NSD1: variants seen among roughly 807,000 people sequenced by gnomAD.
NSD1 encodes nuclear receptor binding SET domain protein 1.
A neutral mutation model predicts 242.7 loss-of-function variants in NSD1; 26 were observed. That is an observed-to-expected ratio of 0.11 (90% CI 0.08 to 0.15). The LOEUF (loss-of-function observed/expected upper bound fraction) is 0.15, where lower values mean the gene tolerates loss of function less well. Ranked by LOEUF, NSD1 falls within the 10% of genes least tolerant of loss-of-function variation. NSD1 has a pLI of 1.00. For synonymous variants in NSD1, 1,106 were observed against 1,178.1 expected, an observed-to-expected ratio of 0.94 and a Z score of 1.25; for missense variants, 2,495 against 3,272.8, an observed-to-expected ratio of 0.76 and a Z score of 5.80.
intron 2 of NSD1, among the ~76,000 whole-genome samples, chr5:177,150,888 T>C (rs968926581): frequency 2.6e-5 from 4 of 152,208 alleles, no homozygotes. Context: ...CAGACATTAA[T>C]GCTACACTAA....
intron 2 of NSD1, among the ~76,000 whole-genome samples, chr5:177,182,934 G>T (rs1179995869): frequency 1.3e-5 from 2 of 152,002 alleles, no homozygotes; most frequent in Non-Finnish European, 2.9e-5. Flanking sequence ...CACCGTGCCT[G>T]GCCTCTTTTT....
chr5:177,210,715 A>G lies in NSD1; in HGVS notation c.2316A>G (p.Ala772=), dbSNP rs779546464. Residue 772 remains alanine (A), a synonymous_variant, in exon 5 of 23, where the codon GCA becomes GCG. Transcript: ENST00000439151. The stretch of plus-strand genomic sequence containing the variant: ...AGAACTCGTTAATAAAGGGTGGGGC[A>G]GCAAATCAAGCTCTATTACATTCGA... ...SSENSLIKGG[A]ANQALLHSKS... 1 of 1,614,238 alleles carries G rather than the reference A, an allele frequency of 6.2e-7. No homozygotes were observed. The highest frequency in any genetic ancestry group is 1.7e-5 in the Admixed American group (1 of 60,016).
At chr5:177,159,931 C>T (rs1206135982) in intron 2 of NSD1, among the ~76,000 whole-genome samples, 1 of 151,268 alleles carries the variant, frequency 6.6e-6, no homozygotes, top group African/African-American at 2.4e-5. Flanking sequence ...GCTCTGTGGC[C>T]CAGGCTGGAA....
intron 14 of NSD1, chr5:177,266,556 C>T: frequency 1.4e-6 from 1 of 703,924 alleles, no homozygotes; most frequent in Non-Finnish European, 2.3e-6. Flanking sequence ...AGGACACCTC[C>T]ATGATGCAGT....
In NSD1 at chr5:177,239,869, T is replaced by C. The variant is rs373194744; in HGVS notation, c.4302+4T>C. 2 of 1,537,916 alleles carry C rather than the reference T, an allele frequency of 1.3e-6. No homozygotes were observed. Among genetic ancestry groups the C allele is most frequent in the Non-Finnish European group, 1.8e-6 (2 of 1,111,630 alleles). On this transcript the variant is annotated splice_donor_region_variant and intron_variant, in intron 8 of 22. Transcript: ENST00000439151. ...GGACCTTGGCCTTTCTAAAAAGGTA[T>C]GTTATTTTTGTAAGTTCTAAAAGAA...
At chr5:177,154,178 G>A (rs1757943146) in intron 2 of NSD1, among the ~76,000 whole-genome samples, 1 of 151,968 alleles carries the variant, frequency 6.6e-6, no homozygotes, top group African/African-American at 2.4e-5. Context: ...ATGGTAGCTG[G>A]CTTTTCCCGG....
chr5:177,242,303 A>G (rs931023338), intron 8 of NSD1, among the ~76,000 whole-genome samples: 4 of 152,094 alleles, frequency 2.6e-5, no homozygotes, highest in African/African-American at 9.7e-5. Context: ...TATTTTGTGG[A>G]TTTGTCTAGG....
chr5:177,194,497 C>T (rs1220665427), intron 3 of NSD1, among the ~76,000 whole-genome samples: 1 of 136,884 alleles, frequency 7.3e-6, no homozygotes, highest in Non-Finnish European at 1.5e-5. Context: ...CCAGGCTGGT[C>T]TTGAAATCCT....
chr5:177,159,001 T>TATATATATATATGAATG (rs1554173257), intron 2 of NSD1, among the ~76,000 whole-genome samples: 40 of 22,080 alleles, frequency 1.8e-3, no homozygotes, highest in African/African-American at 4.3e-3. Context: ...AATGATTTTA[T>TATATATATATATGAATG]ATATATATAT....
chr5:177,292,044 C>A lies in NSD1; in HGVS notation c.6349C>A (p.Arg2117=), dbSNP rs587784190. Residue 2117 remains arginine (R), a synonymous_variant, in exon 22 of 23, where the codon CGA becomes AGA. Transcript: ENST00000439151. ...GACCCAGGGTGAAATCACAAAGGAGCGAGAAGATGAGTGTTTTAGTTGTGG... is the reference window on the plus strand; with the variant it reads ...GACCCAGGGTGAAATCACAAAGGAGAGAGAAGATGAGTGTTTTAGTTGTGG... The part of the protein sequence containing the change: ...RRTQGEITKE[R]EDECFSCGDA... 6.2e-7 allele frequency: 1 copy of A among 1,614,068 alleles called. No homozygotes were observed. The highest frequency in any genetic ancestry group is 2.2e-5 in the East Asian group (1 of 44,886).
rs937128889 is a variant in NSD1 at position 177,178,278 on chromosome 5, G to A, written c.928-13606G>A. On this transcript the variant is annotated intron_variant, in intron 2 of 22. Transcript: ENST00000439151. ...TTTTGCTGTTGTTGCCTAGGCTGGA[G>A]TGCAATGGCGGGATCTCGGCTCACC... Among the ~76,000 whole-genome samples, 6 of 152,108 alleles carry A rather than the reference G, an allele frequency of 3.9e-5. 1 individual carries two copies. The highest frequency in any genetic ancestry group is 2.0e-4 in the Admixed American group (3 of 15,256).
At chr5:177,256,904 G>T in intron 12 of NSD1, 47 bp from the exon 13 acceptor site, 1 of 1,510,696 alleles carries the variant, frequency 6.6e-7, no homozygotes, top group Non-Finnish European at 9.2e-7. Context: ...TTTAGCATTT[G>T]GTAGATTCTT....
intron 5 of NSD1, among the ~76,000 whole-genome samples, chr5:177,213,715 C>A (rs1400582781): frequency 5.9e-5 from 9 of 152,126 alleles, no homozygotes; most frequent in Admixed American, 1.3e-4. Context: ...TTGTGATCCG[C>A]CCGCCTCCAC....
At position 177,134,951 on chromosome 5, in the gene NSD1, C is replaced by T. The variant is rs952139168; in HGVS notation, c.-17-136C>T. The T allele has an allele frequency of 2.8e-6, 2 of 722,764 alleles. No individual in the cohort carries two copies. Among genetic ancestry groups the T allele is most frequent in the African/African-American group, 1.8e-5 (1 of 56,496 alleles). 44.8% of individuals were successfully genotyped at this position (722,764 alleles called of 1,614,324 possible). ...TCGAGGCCATTTTTTCATCTCCAGT[C>T]GGGGGAACTTTTTCTGCCCATGGAA... On this transcript the variant is annotated intron_variant, in intron 1 of 22. Coordinates refer to ENST00000439151, the MANE Select transcript of NSD1 (RefSeq NM_022455.5). This position sits in a 1 kb window ranked among gnomAD's most constrained non-coding sequence, Gnocchi z 4.2.
intron 3 of NSD1, among the ~76,000 whole-genome samples, chr5:177,203,361 AC>A (rs1305859687): frequency 1.1e-4 from 16 of 152,060 alleles, no homozygotes; most frequent in African/African-American, 3.9e-4. Flanking sequence ...TATGTATAGA[AC>A]TTTAGATAAC....
intron 2 of NSD1, among the ~76,000 whole-genome samples, chr5:177,165,290 G>A (rs1208214209): frequency 6.6e-6 from 1 of 151,710 alleles, no homozygotes; most frequent in African/African-American, 2.4e-5. Flanking sequence ...TTCTGCCTCA[G>A]CCTCTGTAAC....
intron 5 of NSD1, among the ~76,000 whole-genome samples, chr5:177,212,701 C>G (rs1382179835): frequency 6.6e-6 from 1 of 151,956 alleles, no homozygotes; most frequent in Non-Finnish European, 1.5e-5. Context: ...TTGAGAGGCT[C>G]CGATCCTAGG....
intron 7 of NSD1, among the ~76,000 whole-genome samples, chr5:177,239,360 T>C (rs917704751): frequency 6.6e-6 from 1 of 152,206 alleles, no homozygotes; most frequent in Admixed American, 6.5e-5. Flanking sequence ...CTATTGAATT[T>C]TATTTACTTA....
intron 2 of NSD1, among the ~76,000 whole-genome samples, chr5:177,144,411 T>A (rs970541941): frequency 2.0e-5 from 3 of 152,018 alleles, no homozygotes; most frequent in Non-Finnish European, 4.4e-5. Context: ...TTTCCAAACT[T>A]ATTTGATTAG....
Sources: allele counts gnomAD v4.1 joint callset (sites outside exome capture counted in the v4.1 genomes callset), GRCh38; gene constraint gnomAD v4.1.1; non-coding constraint Gnocchi (gnomAD v3.1); transcripts MANE v1.5; gene names NCBI Gene and HGNC (gene_info 2026-07-23, HGNC 2026-07-21).